The following RAC1 variants were observed in gnomAD, a reference collection of about 807,000 sequenced individuals.
RAC1 encodes Rac family small GTPase 1.
Under a neutral mutation model 25.2 loss-of-function variants are expected in RAC1, and 2 were observed. The observed-to-expected ratio is 0.08, with a 90% CI of 0.03 to 0.25. The LOEUF (loss-of-function observed/expected upper bound fraction) is 0.25. RAC1 is among the 10% of genes least tolerant of loss of function. The pLI, the probability that RAC1 is intolerant of heterozygous loss-of-function variation, is 1.00. For synonymous variants in RAC1, 88 were observed against 94.0 expected (o/e 0.94, Z 0.37); for missense variants, 50 against 235.7 (o/e 0.21, Z 5.16).
chr7:6,392,976 T>C (rs1363867334), intron 3 of RAC1, among the ~76,000 whole-genome samples: 1 of 152,214 alleles, frequency 6.6e-6, no homozygotes, highest in African/African-American at 2.4e-5. Context: ...AGAATTCTCC[T>C]GTTCCTCAGT....
intron 2 of RAC1, among the ~76,000 whole-genome samples, chr7:6,387,928 A>T (rs1782968370): frequency 1.3e-5 from 2 of 152,114 alleles, no homozygotes; most frequent in Admixed American, 6.6e-5. Flanking sequence ...AGTTTCAGAT[A>T]CACTGGCTTT....
chr7:6,393,120 C>G (rs753383230), intron 3 of RAC1, among the ~76,000 whole-genome samples: 1 of 152,088 alleles, frequency 6.6e-6, no homozygotes, highest in Admixed American at 6.6e-5. Flanking sequence ...GGAAGACATC[C>G]TAGAGAAAGG....
intron 1 of RAC1, among the ~76,000 whole-genome samples, chr7:6,377,123 G>T (rs1200414967): frequency 6.6e-6 from 1 of 151,680 alleles, no homozygotes; most frequent in Non-Finnish European, 1.5e-5. Context: ...GCCAGGTACT[G>T]TTATTGCGGT....
intron 2 of RAC1, among the ~76,000 whole-genome samples, chr7:6,387,730 GAA>G (rs563081278): frequency 2.3e-5 from 3 of 133,264 alleles, no homozygotes; most frequent in Admixed American, 7.5e-5. Context: ...CATCTCAAAA[GAA>G]AAAAAAAAAA....
At chr7:6,383,423 T>C (rs2115188568) in intron 1 of RAC1, among the ~76,000 whole-genome samples, 1 of 103,174 alleles carries the variant, frequency 9.7e-6, no homozygotes, top group South Asian at 3.3e-4. Flanking sequence ...AGCTTAAATA[T>C]AAGGTTGCAC....
intron 3 of RAC1, among the ~76,000 whole-genome samples, chr7:6,398,254 G>A (rs1783302442): frequency 6.6e-6 from 1 of 152,188 alleles, no homozygotes; most frequent in African/African-American, 2.4e-5. Context: ...CCTGTATGCT[G>A]TGGCTTCAAC....
chr7:6,384,706 G>T (rs1030524203), intron 1 of RAC1, among the ~76,000 whole-genome samples: 4 of 151,934 alleles, frequency 2.6e-5, no homozygotes, highest in African/African-American at 4.8e-5. Flanking sequence ...CCTGGGCTCA[G>T]CGATCCTCCC....
intron 1 of RAC1, among the ~76,000 whole-genome samples, chr7:6,377,744 G>C (rs1782647966): frequency 6.6e-6 from 1 of 151,978 alleles, no homozygotes; most frequent in Non-Finnish European, 1.5e-5. Flanking sequence ...GCGAAACCTC[G>C]TCTCTACTAA....
intron 3 of RAC1, among the ~76,000 whole-genome samples, chr7:6,398,263 A>T (rs150820421): frequency 1.3e-5 from 2 of 152,218 alleles, no homozygotes; most frequent in Admixed American, 1.3e-4. Flanking sequence ...TGTGGCTTCA[A>T]CTAGGCTGTG....
intron 1 of RAC1, among the ~76,000 whole-genome samples, chr7:6,375,368 C>T (rs997517755): frequency 6.6e-6 from 1 of 152,004 alleles, no homozygotes. Flanking sequence ...GGATTACAGG[C>T]GTGTGCCACC....
intron 1 of RAC1, among the ~76,000 whole-genome samples, chr7:6,375,150 C>T (rs1447224554): frequency 2.6e-5 from 4 of 152,174 alleles, no homozygotes; most frequent in East Asian, 3.9e-4. Context: ...GCATGAACCT[C>T]TCGATCCCCT....
chr7:6,380,498 CTT>C (rs1326999093), intron 1 of RAC1, among the ~76,000 whole-genome samples: 1 of 152,104 alleles, frequency 6.6e-6, no homozygotes, highest in Non-Finnish European at 1.5e-5. Context: ...CCCTTTATAA[CTT>C]TCTGTCTTTT....
intron 1 of RAC1, among the ~76,000 whole-genome samples, chr7:6,386,891 G>C (rs1271566512): frequency 6.6e-6 from 1 of 152,078 alleles, no homozygotes; most frequent in African/African-American, 2.4e-5. Context: ...GAAGAGACGT[G>C]AAGTTTTAAA....
chr7:6,398,695 C>T (rs143643351), intron 3 of RAC1: 22 of 1,613,504 alleles, frequency 1.4e-5, no homozygotes, highest in South Asian at 2.2e-5. Context: ...TATAACCTCC[C>T]GGGGCAAAGA....
intron 1 of RAC1, among the ~76,000 whole-genome samples, chr7:6,381,020 C>T (rs369635842): frequency 2.6e-5 from 4 of 152,098 alleles, no homozygotes; most frequent in African/African-American, 9.7e-5. Flanking sequence ...AGGCACCCAC[C>T]ACCATGCCTG....
intron 1 of RAC1, 102 bp downstream of exon 1, chr7:6,374,872 C>T: frequency 1.0e-6 from 1 of 957,018 alleles, no homozygotes; most frequent in Non-Finnish European, 1.3e-6. Context: ...GCCGCGGTCT[C>T]GCGTAGGCGG....
chr7:6,376,109 A>G (rs2115179329), intron 1 of RAC1, among the ~76,000 whole-genome samples: 1 of 150,450 alleles, frequency 6.6e-6, no homozygotes, highest in African/African-American at 2.4e-5. Flanking sequence ...TGATTTTTGT[A>G]AGATGCCCAT....
rs1016594312 is a variant in RAC1 at position 6,402,155 on chromosome 7, C to T, written c.448+128C>T. Reference sequence around the variant, plus strand: ...GCCTGGTGTACTCTTGGGGAACCAGCTGGCAAGGCCCTGTGGGTCTTAACG... The same window carrying T: ...GCCTGGTGTACTCTTGGGGAACCAGTTGGCAAGGCCCTGTGGGTCTTAACG... On this transcript the variant is annotated intron_variant, in intron 5 of 5. Coordinates refer to ENST00000348035, the MANE Select transcript of RAC1 (RefSeq NM_006908.5). The T allele has an allele frequency of 4.2e-6, 6 of 1,437,304 alleles. No homozygotes were observed. The South Asian group carries it at 8.1e-5, about 19-fold the overall frequency. The allele number at this position is 1,437,304 out of a possible 1,614,324, so 89.0% of individuals were successfully genotyped here. A position where few individuals can be genotyped will look rare whatever the true frequency, so the allele number is the denominator to read the frequency against.
intron 3 of RAC1, among the ~76,000 whole-genome samples, chr7:6,394,864 A>AT (rs1157027662): frequency 1.4e-5 from 2 of 144,268 alleles, no homozygotes; most frequent in East Asian, 4.1e-4. Context: ...TTTGTATTTT[A>AT]TTTTTTTTGA....
Sources: allele counts gnomAD v4.1 joint callset (sites outside exome capture counted in the v4.1 genomes callset), GRCh38; gene constraint gnomAD v4.1.1; transcripts MANE v1.5; gene names NCBI Gene and HGNC (gene_info 2026-07-23, HGNC 2026-07-21).